SEMA5A: variants seen among roughly 807,000 people sequenced by gnomAD.
SEMA5A encodes the protein semaphorin 5A.
A neutral mutation model predicts 135.5 loss-of-function variants in SEMA5A; 55 were observed. The ratio of observed to expected loss-of-function variants is 0.41; its 90% CI spans 0.33 to 0.51. The LOEUF (loss-of-function observed/expected upper bound fraction) is 0.51. Among genes scored for constraint, SEMA5A ranks in the 20% least tolerant of loss-of-function variants. The pLI is 0.37. For missense variants in SEMA5A, 1,290 were observed against 1,419.9 expected, an observed-to-expected ratio of 0.91 and a Z score of 1.47; for synonymous variants, 580 against 546.5, an observed-to-expected ratio of 1.06 and a Z score of -0.85.
chr5:9,436,701 A>G (rs1758044425), intron 2 of SEMA5A, among the ~76,000 whole-genome samples: 1 of 152,218 alleles, frequency 6.6e-6, no homozygotes, highest in African/African-American at 2.4e-5. Flanking sequence ...ATAAGTTAAT[A>G]AACAATGGTA....
At chr5:9,394,515 C>T (rs748963642) in intron 2 of SEMA5A, among the ~76,000 whole-genome samples, 17 of 152,082 alleles carry the variant, frequency 1.1e-4, no homozygotes, top group Non-Finnish European at 8.8e-5. Flanking sequence ...TCACTGCCCA[C>T]CAAAGTTTCT....
intron 5 of SEMA5A, among the ~76,000 whole-genome samples, chr5:9,307,040 C>T (rs1751903182): frequency 6.6e-6 from 1 of 152,170 alleles, no homozygotes; most frequent in African/African-American, 2.4e-5. Context: ...TAGGGAATTT[C>T]TGCATGGGCA....
chr5:9,188,549 C>T (rs1744927740), intron 11 of SEMA5A, among the ~76,000 whole-genome samples: 1 of 152,086 alleles, frequency 6.6e-6, no homozygotes. Flanking sequence ...AGCCTCAACC[C>T]CCATCAAAAT....
At chr5:9,154,089 ATATATG>A (rs1409965514) in intron 12 of SEMA5A, among the ~76,000 whole-genome samples, 2 of 79,124 alleles carry the variant, frequency 2.5e-5, no homozygotes, top group African/African-American at 1.0e-4. Context: ...ATATATATAT[ATATATG>A]TGTGTGTGTG....
intron 1 of SEMA5A, among the ~76,000 whole-genome samples, chr5:9,489,744 G>A (rs114511520): frequency 6.6e-6 from 1 of 152,260 alleles, no homozygotes; most frequent in African/African-American, 2.4e-5. Context: ...ATTGTCAGTG[G>A]ATAGATTATT....
chr5:9,451,083 A>G (rs185080472), intron 1 of SEMA5A, among the ~76,000 whole-genome samples: 124 of 152,130 alleles, frequency 8.2e-4, no homozygotes, highest in African/African-American at 2.9e-3. Context: ...CTTGTTTGTG[A>G]TTTTTTTTCT....
chr5:9,386,573 C>G (rs1444357688), intron 2 of SEMA5A, among the ~76,000 whole-genome samples: 1 of 152,184 alleles, frequency 6.6e-6, no homozygotes, highest in Non-Finnish European at 1.5e-5. Context: ...CCTCCCACTG[C>G]TCCTGGTGCA....
At chr5:9,459,147 C>A (rs1758960269) in intron 1 of SEMA5A, among the ~76,000 whole-genome samples, 1 of 152,092 alleles carries the variant, frequency 6.6e-6, no homozygotes, top group Non-Finnish European at 1.5e-5. Context: ...ACACTATTTT[C>A]TTTAAAAATT....
intron 8 of SEMA5A, among the ~76,000 whole-genome samples, chr5:9,210,459 G>A (rs1746283696): frequency 1.3e-5 from 2 of 152,178 alleles, no homozygotes; most frequent in African/African-American, 4.8e-5. Context: ...ATTGCACCAT[G>A]TATGCAAGGC....
chr5:9,450,137 C>G (rs1758581430), intron 1 of SEMA5A, among the ~76,000 whole-genome samples: 2 of 152,120 alleles, frequency 1.3e-5, no homozygotes, highest in Admixed American at 6.6e-5. Context: ...TTCTACAGAC[C>G]CCCTTGGGGC....
intron 13 of SEMA5A, among the ~76,000 whole-genome samples, chr5:9,124,044 C>T (rs1740973378): frequency 6.6e-6 from 1 of 152,118 alleles, no homozygotes; most frequent in African/African-American, 2.4e-5. Flanking sequence ...ATGAGGCTGC[C>T]AAATGCAAAG....
At chr5:9,191,720 C>T (rs567699726) in intron 10 of SEMA5A, among the ~76,000 whole-genome samples, 14 of 152,380 alleles carry the variant, frequency 9.2e-5, no homozygotes, top group East Asian at 5.8e-4. Flanking sequence ...GAGAGTTAAA[C>T]GGATTTCATG....
At chr5:9,191,418 A>AC in intron 10 of SEMA5A, among the ~76,000 whole-genome samples, 1 of 152,326 alleles carries the variant, frequency 6.6e-6, no homozygotes, top group African/African-American at 2.4e-5. Flanking sequence ...AGAAACTACT[A>AC]CCAATCCTTC....
chr5:9,247,724 A>T (rs1223903406), intron 5 of SEMA5A, among the ~76,000 whole-genome samples: 9 of 152,074 alleles, frequency 5.9e-5, no homozygotes, highest in Admixed American at 5.9e-4. Flanking sequence ...CCTCCTTATG[A>T]ACCTTATTCA....
rs900329087 is a variant in SEMA5A at position 9,430,513 on chromosome 5, G to T, written c.-78+7243C>A. ...ACACTGAACCTTATGGGACTCCAGT[G>T]CTTGGATGGCAGGGAGATGACCATT... On this transcript the variant is annotated intron_variant, in intron 2 of 22. Transcript: ENST00000382496. Among the ~76,000 whole-genome samples, 4 of 152,142 alleles carry T rather than the reference G, an allele frequency of 2.6e-5. No homozygotes were observed. The East Asian group carries it at 5.8e-4, about 22-fold the overall frequency.
intron 16 of SEMA5A, among the ~76,000 whole-genome samples, chr5:9,093,617 G>T (rs906385377): frequency 6.6e-6 from 1 of 151,992 alleles, no homozygotes; most frequent in African/African-American, 2.4e-5. Context: ...TGAGGCAGGA[G>T]AATCGGTTGA....
chr5:9,059,171 C>CTTT (rs4002250), intron 18 of SEMA5A, among the ~76,000 whole-genome samples: 210 of 145,566 alleles, frequency 1.4e-3, no homozygotes, highest in African/African-American at 4.9e-3. Context: ...ATTTTCTTTT[C>CTTT]TTTTTTTTTT....
intron 2 of SEMA5A, among the ~76,000 whole-genome samples, chr5:9,425,870 G>C (rs1757629400): frequency 6.6e-6 from 1 of 152,172 alleles, no homozygotes; most frequent in Non-Finnish European, 1.5e-5. Context: ...GCTGCATTAA[G>C]AAGTTATATA....
rs758872849 is a variant in SEMA5A at position 9,337,700 on chromosome 5, C to A, written c.224+13G>T. ...CAAAAATATCTGTGGTGGCAAAATACAATATCTCTCACCTTGCTCCTACAA... is the reference window on the plus strand; with the variant it reads ...CAAAAATATCTGTGGTGGCAAAATAAAATATCTCTCACCTTGCTCCTACAA... On this transcript the variant is annotated intron_variant, in intron 4 of 22. Transcript: ENST00000382496. 3 of 1,585,374 alleles carry A rather than the reference C, an allele frequency of 1.9e-6. No homozygotes were observed. Among genetic ancestry groups the A allele is most frequent in the Non-Finnish European group, 2.6e-6 (3 of 1,157,422 alleles).
Sources: allele counts gnomAD v4.1 joint callset (sites outside exome capture counted in the v4.1 genomes callset), GRCh38; gene constraint gnomAD v4.1.1; transcripts MANE v1.5; gene names NCBI Gene and HGNC (gene_info 2026-07-23, HGNC 2026-07-21).